The following CUL2 variants were observed in gnomAD, a reference collection of about 807,000 sequenced individuals.
CUL2 encodes the protein cullin-2.
CUL2 carries 22 observed loss-of-function variants against 110.2 expected under a neutral mutation model. The ratio of observed to expected loss-of-function variants is 0.20; its 90% CI spans 0.14 to 0.28. CUL2 has a LOEUF of 0.28. Ranked by LOEUF, CUL2 falls within the 10% of genes least tolerant of loss-of-function variation. CUL2 has a pLI of 1.00. For missense variants in CUL2, 631 were observed against 905.5 expected, an observed-to-expected ratio of 0.70 and a Z score of 3.89; for synonymous variants, 279 against 293.2, an observed-to-expected ratio of 0.95 and a Z score of 0.49.
chr10:35,101,170 G>A (rs1183305942), intron 1 of CUL2: 2 of 152,214 alleles, frequency 1.3e-5, no homozygotes, highest in Non-Finnish European at 2.9e-5. Context: ...CTATCTGGAA[G>A]AGTCTCATAG....
chr10:35,024,897 A>T (rs1318673177), intron 17 of CUL2, among the ~76,000 whole-genome samples: 1 of 152,188 alleles, frequency 6.6e-6, no homozygotes, highest in African/African-American at 2.4e-5. Flanking sequence ...AAATGTAATA[A>T]ATCAGTATAA....
At chr10:35,066,155 C>G (rs1353768066) in intron 2 of CUL2, among the ~76,000 whole-genome samples, 1 of 151,856 alleles carries the variant, frequency 6.6e-6, no homozygotes, top group African/African-American at 2.4e-5. Flanking sequence ...AGTATGAACT[C>G]TATTATGCCA....
intron 6 of CUL2, among the ~76,000 whole-genome samples, chr10:35,045,113 T>G (rs1486248428): frequency 6.6e-6 from 1 of 152,164 alleles, no homozygotes; most frequent in African/African-American, 2.4e-5. Flanking sequence ...GATTGTAAAG[T>G]TCAAGATACT....
At chr10:35,102,294 G>C (rs962133283) in intron 1 of CUL2, among the ~76,000 whole-genome samples, 4 of 151,922 alleles carry the variant, frequency 2.6e-5, no homozygotes, top group African/African-American at 9.7e-5. Flanking sequence ...GAAACAGGCT[G>C]GGTGCTGTGA....
chr10:35,031,530 T>C lies in CUL2; in HGVS notation c.1260A>G (p.Thr420=). ...EVEDRLTSFI[T]VFKYIDDKDV... ...CCTTGTCATCAATGTATTTGAACAC[T>C]GTGATGAAGCTCGTGAGCCTGTCTT... The change falls in exon 13 of 21, where the codon ACA becomes ACG. Residue 420 remains threonine (T), a synonymous_variant. Transcript: ENST00000374749. The surrounding 1 kb of genome is among the most constrained non-coding windows in gnomAD (Gnocchi z 4.4). 6.2e-7 allele frequency: 1 copy of C among 1,614,182 alleles called. No individual in the cohort carries two copies. The highest frequency in any genetic ancestry group is 8.5e-7 in the Non-Finnish European group (1 of 1,180,012).
chr10:35,085,829 A>G (rs1232291355), intron 1 of CUL2, among the ~76,000 whole-genome samples: 2 of 152,184 alleles, frequency 1.3e-5, no homozygotes, highest in Non-Finnish European at 2.9e-5. Context: ...AAACTTTTGT[A>G]AAGTCTCACA....
intron 9 of CUL2, among the ~76,000 whole-genome samples, chr10:35,038,133 G>C (rs994299389): frequency 2.0e-5 from 3 of 152,164 alleles, no homozygotes; most frequent in African/African-American, 7.2e-5. Flanking sequence ...CTGGGCGACG[G>C]AGCGAGACTC....
intron 2 of CUL2, among the ~76,000 whole-genome samples, chr10:35,097,491 CAAAAAA>C (rs71523359): frequency 3.2e-5 from 3 of 92,634 alleles, no homozygotes; most frequent in Non-Finnish European, 2.1e-5. Flanking sequence ...CCCCCTGTCT[CAAAAAA>C]AAAAAAAAAA....
At chr10:35,049,314 T>C (rs950945535) in intron 6 of CUL2, among the ~76,000 whole-genome samples, 11 of 152,164 alleles carry the variant, frequency 7.2e-5, no homozygotes, top group African/African-American at 1.4e-4. Flanking sequence ...TCTTCCTCAA[T>C]AGGTGGTCCT....
At chr10:35,035,394 G>C in intron 9 of CUL2, 98 bp from the exon 10 acceptor site, 1 of 1,340,100 alleles carries the variant, frequency 7.5e-7, no homozygotes, top group Non-Finnish European at 1.0e-6. Flanking sequence ...ACGGATCCAA[G>C]TGCAGAGCAC....
At chr10:35,125,912 C>G (rs1360078660) in intron 1 of CUL2, among the ~76,000 whole-genome samples, 7 of 152,224 alleles carry the variant, frequency 4.6e-5, no homozygotes, top group Admixed American at 3.9e-4. Context: ...TCACTGCAGC[C>G]TTGACCTCCC....
chr10:35,080,570 G>A (rs980445379), intron 1 of CUL2, among the ~76,000 whole-genome samples: 69 of 151,822 alleles, frequency 4.5e-4, no homozygotes, highest in African/African-American at 1.6e-3. Flanking sequence ...TGATCCTCCC[G>A]CCTCAGCCTC....
chr10:35,068,721 G>GT (rs2086602189), intron 2 of CUL2, among the ~76,000 whole-genome samples: 1 of 152,088 alleles, frequency 6.6e-6, no homozygotes. Context: ...GGAGGGACCT[G>GT]TTTTTTCCTT....
At chr10:35,116,970 A>AC (rs1224262934) in intron 1 of CUL2, among the ~76,000 whole-genome samples, 1 of 151,966 alleles carries the variant, frequency 6.6e-6, no homozygotes, top group Non-Finnish European at 1.5e-5. Context: ...AAAAAAAAAA[A>AC]AGTTAGCCAG....
chr10:35,121,809 C>CAAA (rs148455667), intron 1 of CUL2, among the ~76,000 whole-genome samples: 6 of 94,144 alleles, frequency 6.4e-5, no homozygotes, highest in South Asian at 3.4e-4. Context: ...GACCCTGTCT[C>CAAA]AAAAAAAAAA....
At chr10:35,041,440 G>A (rs2085785600) in intron 8 of CUL2, among the ~76,000 whole-genome samples, 1 of 152,168 alleles carries the variant, frequency 6.6e-6, no homozygotes, top group Non-Finnish European at 1.5e-5. Context: ...CAGGAAGGCT[G>A]TACTGACTCA....
At chr10:35,122,453 T>C (rs928930276) in intron 1 of CUL2, among the ~76,000 whole-genome samples, 7 of 152,206 alleles carry the variant, frequency 4.6e-5, no homozygotes, top group African/African-American at 1.7e-4. Context: ...TTTTGACTTC[T>C]AAGTTCTCAG....
At chr10:35,052,583 G>T (rs2134863729) in intron 5 of CUL2, among the ~76,000 whole-genome samples, 1 of 152,294 alleles carries the variant, frequency 6.6e-6, no homozygotes, top group South Asian at 2.1e-4. Flanking sequence ...GTTCACTGCA[G>T]TGTTGTTTGT....
intron 1 of CUL2, among the ~76,000 whole-genome samples, chr10:35,085,979 C>T (rs1027206601): frequency 1.3e-5 from 2 of 152,048 alleles, no homozygotes; most frequent in African/African-American, 2.4e-5. Flanking sequence ...AACAAACCTA[C>T]GTGTGTACCT....
Sources: allele counts gnomAD v4.1 joint callset (sites outside exome capture counted in the v4.1 genomes callset), GRCh38; gene constraint gnomAD v4.1.1; non-coding constraint Gnocchi (gnomAD v3.1); transcripts MANE v1.5; gene names NCBI Gene and HGNC (gene_info 2026-07-23, HGNC 2026-07-21).